The following SLC35F1 variants were observed in gnomAD, a reference collection of about 807,000 sequenced individuals.
SLC35F1 encodes chromosome 6 open reading frame 169.
SLC35F1 carries 14 observed loss-of-function variants against 48.7 expected under a neutral mutation model. That is an observed-to-expected ratio of 0.29 (90% confidence interval 0.19 to 0.45). The LOEUF is 0.45. Among genes scored for constraint, SLC35F1 ranks in the 20% least tolerant of loss-of-function variants. The probability of loss-of-function intolerance (pLI) is 1.00; values close to 1 mark genes in which losing one functional copy is unlikely to be tolerated. For synonymous variants in SLC35F1, 190 were observed against 202.2 expected (o/e 0.94, Z 0.51); for missense variants, 404 against 500.0 (o/e 0.81, Z 1.83).
intron 1 of SLC35F1, among the ~76,000 whole-genome samples, chr6:118,095,448 C>T (rs1255839636): frequency 6.6e-6 from 1 of 152,146 alleles, no homozygotes; most frequent in Non-Finnish European, 1.5e-5. Flanking sequence ...TTGTCCATCT[C>T]AAATTAGACA....
intron 2 of SLC35F1, among the ~76,000 whole-genome samples, chr6:118,208,059 C>CCT (rs376210173): frequency 0.02 from 2,943 of 149,244 alleles, 67 homozygotes; most frequent in African/African-American, 0.051. Context: ...GAGCCCCCCT[C>CCT]CTCTCTCTCT....
intron 7 of SLC35F1, among the ~76,000 whole-genome samples, chr6:118,292,947 A>G (rs1776142749): frequency 6.6e-6 from 1 of 152,154 alleles, no homozygotes; most frequent in South Asian, 2.1e-4. Flanking sequence ...AACATTATTG[A>G]ATCCAGAGCA....
Position 118,270,951 on chromosome 6 carries a change from A to T in SLC35F1, c.637+3797A>T, listed in dbSNP as rs896854648. 9.2e-5 allele frequency among the ~76,000 whole-genome samples: 14 copies of T among 152,332 alleles called. No individual in the cohort carries two copies. The East Asian group carries it at 2.7e-3, about 29-fold the overall frequency. On this transcript the variant is annotated intron_variant, in intron 4 of 7. Coordinates refer to ENST00000360388, the MANE Select transcript of SLC35F1 (RefSeq NM_001029858.4). Reference sequence around the variant, plus strand: ...TTATGAAATATCCTTCTCGCCCTTCAAAATATCCTTTTCTAACACAATACA... The same window carrying T: ...TTATGAAATATCCTTCTCGCCCTTCTAAATATCCTTTTCTAACACAATACA...
chr6:118,132,421 C>T (rs192253957), intron 1 of SLC35F1, among the ~76,000 whole-genome samples: 5 of 152,292 alleles, frequency 3.3e-5, no homozygotes, highest in Admixed American at 1.3e-4. Context: ...GTTCAGATTA[C>T]GTTTTTTTGC....
At chr6:118,288,160 A>G (rs1290949924) in intron 7 of SLC35F1, among the ~76,000 whole-genome samples, 1 of 152,180 alleles carries the variant, frequency 6.6e-6, no homozygotes, top group African/African-American at 2.4e-5. Context: ...TTAAACTATG[A>G]ATATACTTGT....
intron 7 of SLC35F1, among the ~76,000 whole-genome samples, chr6:118,309,456 T>C (rs1776349611): frequency 1.3e-5 from 2 of 152,140 alleles, no homozygotes; most frequent in African/African-American, 4.8e-5. Context: ...ACTTGGTACA[T>C]GCATTCAATA....
chr6:118,029,113 T>G (rs950932726), intron 1 of SLC35F1, among the ~76,000 whole-genome samples: 1 of 127,358 alleles, frequency 7.9e-6, no homozygotes, highest in Non-Finnish European at 1.7e-5. Context: ...AGAGGTAGCA[T>G]GTAAACAGAT....
At chr6:118,155,381 G>A (rs550632152) in intron 2 of SLC35F1, among the ~76,000 whole-genome samples, 22 of 152,264 alleles carry the variant, frequency 1.4e-4, no homozygotes, top group African/African-American at 4.1e-4. Flanking sequence ...TTACTAGGCC[G>A]TGAGGGCTTC....
chr6:118,111,738 A>T lies in SLC35F1; in HGVS notation c.174-42707A>T, dbSNP rs149729801. Reference sequence around the variant, plus strand: ...CAGATAACAATGTATTTAAAAGAATAAGAGAAACAATATATTGGGTGATTA... The same window carrying T: ...CAGATAACAATGTATTTAAAAGAATTAGAGAAACAATATATTGGGTGATTA... On this transcript the variant is annotated intron_variant, in intron 1 of 7. Transcript: ENST00000360388. 3.2e-3 allele frequency among the ~76,000 whole-genome samples: 490 copies of T among 152,340 alleles called. 4 individuals carry two copies. Among genetic ancestry groups the T allele is most frequent in the Middle Eastern group, 0.017 (5 of 294 alleles).
intron 1 of SLC35F1, among the ~76,000 whole-genome samples, chr6:118,037,115 C>T (rs796152592): frequency 1.8e-4 from 28 of 152,276 alleles, no homozygotes; most frequent in African/African-American, 6.5e-4. Flanking sequence ...ATTAATATAG[C>T]AACTTTGCCT....
chr6:118,238,113 A>G (rs1406206917), intron 3 of SLC35F1, among the ~76,000 whole-genome samples: 1 of 152,020 alleles, frequency 6.6e-6, no homozygotes, highest in Admixed American at 6.6e-5. Context: ...TCTCTCTTAA[A>G]CACACACACA....
intron 1 of SLC35F1, among the ~76,000 whole-genome samples, chr6:118,138,323 T>A (rs1350077084): frequency 2.7e-5 from 4 of 149,312 alleles, no homozygotes; most frequent in African/African-American, 4.9e-5. Context: ...AAAAAAAAAA[T>A]TAAAAACCTT....
In SLC35F1 at chr6:117,923,662, T is replaced by C. The variant is rs11970187; in HGVS notation, c.173+15763T>C. 1.2e-3 allele frequency among the ~76,000 whole-genome samples: 77 copies of C among 63,412 alleles called. 11 individuals are homozygous for C. Among genetic ancestry groups the C allele is most frequent in the African/African-American group, 2.3e-3 (29 of 12,560 alleles). The allele number at this position is 63,412 out of a possible 152,430, so 41.6% of individuals were successfully genotyped here. A position where few individuals can be genotyped will look rare whatever the true frequency, so the allele number is the denominator to read the frequency against. On this transcript the variant is annotated intron_variant, in intron 1 of 7. Coordinates refer to ENST00000360388, the MANE Select transcript of SLC35F1 (RefSeq NM_001029858.4). The stretch of plus-strand genomic sequence containing the variant: ...ACATATGTACATATGTACATATGTA[T>C]ATATACATATATGTACATATATACA...
chr6:118,038,838 T>C (rs1009950055), intron 1 of SLC35F1, among the ~76,000 whole-genome samples: 1 of 152,086 alleles, frequency 6.6e-6, no homozygotes, highest in Non-Finnish European at 1.5e-5. Context: ...CCCAGGCCGG[T>C]CTTCAACTCC....
At chr6:118,035,726 G>A (rs1772121641) in intron 1 of SLC35F1, among the ~76,000 whole-genome samples, 1 of 113,588 alleles carries the variant, frequency 8.8e-6, no homozygotes, top group Non-Finnish European at 1.6e-5. Flanking sequence ...GTCTCGCTCT[G>A]TCACCCAGGC....
chr6:118,190,430 A>G (rs969395388), intron 2 of SLC35F1, among the ~76,000 whole-genome samples: 2 of 151,728 alleles, frequency 1.3e-5, no homozygotes, highest in African/African-American at 4.9e-5. Context: ...ATGGACTGCC[A>G]TAATTTTGCT....
intron 2 of SLC35F1, among the ~76,000 whole-genome samples, chr6:118,184,628 A>G (rs769828530): frequency 6.6e-6 from 1 of 152,162 alleles, no homozygotes; most frequent in Non-Finnish European, 1.5e-5. Context: ...AAAAATATGT[A>G]CCATACATGT....
chr6:118,078,059 T>C (rs1005777193), intron 1 of SLC35F1, among the ~76,000 whole-genome samples: 1 of 150,590 alleles, frequency 6.6e-6, no homozygotes, highest in African/African-American at 2.4e-5. Context: ...CAATGGAACC[T>C]TTTTTTTTAA....
chr6:118,195,385 T>G (rs1331975586), intron 2 of SLC35F1, among the ~76,000 whole-genome samples: 1 of 152,194 alleles, frequency 6.6e-6, no homozygotes, highest in Admixed American at 6.5e-5. Context: ...TGTAAGACTT[T>G]GCTCCTCCCT....
Sources: gnomAD v4.1 joint callset for allele counts (sites outside exome capture counted in the v4.1 genomes callset) on GRCh38, gnomAD v4.1.1 for gene constraint, MANE v1.5 for transcripts, NCBI Gene and HGNC (gene_info 2026-07-23, HGNC 2026-07-21) for gene names.